The following KCNB2 variants were observed in gnomAD, a reference collection of about 807,000 sequenced individuals.
KCNB2 encodes delayed rectifier potassium channel protein.
KCNB2 carries 15 observed loss-of-function variants against 61.5 expected under a neutral mutation model. The ratio of observed to expected loss-of-function variants is 0.24; its 90% CI spans 0.16 to 0.38. The LOEUF (loss-of-function observed/expected upper bound fraction) is 0.38. Ranked by LOEUF, KCNB2 falls within the 10% of genes least tolerant of loss-of-function variation. The pLI is 1.00. For synonymous variants in KCNB2, 457 were observed against 446.0 expected, an observed-to-expected ratio of 1.02 and a Z score of -0.31; for missense variants, 828 against 1,125.2, an observed-to-expected ratio of 0.74 and a Z score of 3.78.
intron 2 of KCNB2, among the ~76,000 whole-genome samples, chr8:72,718,425 C>A (rs1177373040): frequency 6.6e-6 from 1 of 152,052 alleles, no homozygotes; most frequent in Non-Finnish European, 1.5e-5. Flanking sequence ...AAATGTCCAA[C>A]AATGATAAAC....
At chr8:72,914,317 T>C (rs1015615458) in intron 2 of KCNB2, among the ~76,000 whole-genome samples, 5 of 152,118 alleles carry the variant, frequency 3.3e-5, no homozygotes, top group Non-Finnish European at 7.4e-5. Context: ...ATCCAAACCA[T>C]AGGAGGATGA....
intron 2 of KCNB2, among the ~76,000 whole-genome samples, chr8:72,857,557 A>G (rs1810225438): frequency 2.7e-5 from 1 of 36,980 alleles, no homozygotes; most frequent in African/African-American, 5.8e-5. Context: ...TGCCTACGAG[A>G]TGTTGTTTGC....
At chr8:72,681,256 C>T (rs1286846502) in intron 2 of KCNB2, among the ~76,000 whole-genome samples, 2 of 151,866 alleles carry the variant, frequency 1.3e-5, no homozygotes, top group Non-Finnish European at 2.9e-5. Flanking sequence ...AAAAAGACAG[C>T]TTTAGAATAG....
At chr8:72,545,447 G>T (rs1806245311) in intron 1 of KCNB2, among the ~76,000 whole-genome samples, 1 of 152,210 alleles carries the variant, frequency 6.6e-6, no homozygotes, top group East Asian at 1.9e-4. Context: ...AAATGTTATT[G>T]TTATATAGGT....
At chr8:72,671,338 G>T (rs773695899) in intron 2 of KCNB2, among the ~76,000 whole-genome samples, 1 of 152,118 alleles carries the variant, frequency 6.6e-6, no homozygotes, top group Non-Finnish European at 1.5e-5. Flanking sequence ...TAATACTGTT[G>T]TAAGTTAATA....
At chr8:72,931,073 GT>G (rs1806772224) in intron 2 of KCNB2, among the ~76,000 whole-genome samples, 1 of 152,148 alleles carries the variant, frequency 6.6e-6, no homozygotes, top group Non-Finnish European at 1.5e-5. Context: ...CGCATTTCTT[GT>G]TTTTGTCAGG....
At chr8:72,671,165 C>T (rs16938299) in intron 2 of KCNB2, among the ~76,000 whole-genome samples, 4,266 of 152,286 alleles carry the variant, frequency 0.028, 74 homozygotes, top group South Asian at 0.074. Flanking sequence ...GCCTTCACTA[C>T]AGATACTATC....
chr8:72,573,343 A>T (rs987586826), intron 2 of KCNB2, among the ~76,000 whole-genome samples: 1 of 152,224 alleles, frequency 6.6e-6, no homozygotes, highest in African/African-American at 2.4e-5. Flanking sequence ...GAACTTTCAC[A>T]TGTTATGCTT....
At chr8:72,899,335 C>A (rs1031550570) in intron 2 of KCNB2, among the ~76,000 whole-genome samples, 4 of 152,060 alleles carry the variant, frequency 2.6e-5, no homozygotes, top group Admixed American at 2.6e-4. Flanking sequence ...GGAATGATGG[C>A]CACTCTCACC....
At chr8:72,578,537 A>G (rs1320848892) in intron 2 of KCNB2, among the ~76,000 whole-genome samples, 1 of 152,190 alleles carries the variant, frequency 6.6e-6, no homozygotes, top group Non-Finnish European at 1.5e-5. Flanking sequence ...CAAAGCAAAA[A>G]AAATCGGTTT....
Position 72,935,805 on chromosome 8 carries a change from T to G in KCNB2, c.580-130T>G, listed in dbSNP as rs901707976. The G allele has an allele frequency of 4.2e-6, 3 of 707,812 alleles. No homozygotes were observed. The African/African-American group carries it at 5.4e-5, about 13-fold the overall frequency. The allele number at this position is 707,812 out of a possible 1,614,324, so 43.8% of individuals were successfully genotyped here. On this transcript the variant is annotated intron_variant, in intron 2 of 2. Transcript: ENST00000523207. ...AGTTAGGGAATTTTAAGTTGTAAAA[T>G]TACCTTCTTATAATCTTCTTGGAAG...
At chr8:72,831,387 A>C (rs1809691803) in intron 2 of KCNB2, among the ~76,000 whole-genome samples, 1 of 152,262 alleles carries the variant, frequency 6.6e-6, no homozygotes, top group South Asian at 2.1e-4. Flanking sequence ...AGTTTTAAAA[A>C]ATCACCAACA....
In KCNB2 at chr8:72,794,491, G is replaced by A. The variant is rs140064922; in HGVS notation, c.580-141444G>A. Among the ~76,000 whole-genome samples the A allele has an allele frequency of 1.0e-3, 151 of 151,196 alleles. 2 individuals carry two copies. Among genetic ancestry groups the A allele is most frequent in the African/African-American group, 3.4e-3 (139 of 41,112 alleles). The stretch of plus-strand genomic sequence containing the variant: ...GAGGCAGGGGAATCGCTTGAACCCG[G>A]GAGACAGAGGTTGTGGTGAGCTGAG... On this transcript the variant is annotated intron_variant, in intron 2 of 2. Transcript: ENST00000523207.
chr8:72,710,045 A>C (rs1046837646), intron 2 of KCNB2, among the ~76,000 whole-genome samples: 1 of 152,054 alleles, frequency 6.6e-6, no homozygotes, highest in African/African-American at 2.4e-5. Context: ...TTCAGTCTGC[A>C]CTTCCCAGTC....
At chr8:72,599,374 G>A (rs996107171) in intron 2 of KCNB2, among the ~76,000 whole-genome samples, 13 of 152,170 alleles carry the variant, frequency 8.5e-5, no homozygotes, top group Non-Finnish European at 1.3e-4. Flanking sequence ...AATAAAAGGT[G>A]CTGGGAAAAC....
At chr8:72,570,150 T>C (rs1044981549) in intron 2 of KCNB2, among the ~76,000 whole-genome samples, 3 of 152,282 alleles carry the variant, frequency 2.0e-5, no homozygotes, top group South Asian at 4.1e-4. Context: ...CTCATTACAA[T>C]AGACCTTTAC....
At chr8:72,865,649 A>C (rs1222519654) in intron 2 of KCNB2, among the ~76,000 whole-genome samples, 1 of 152,098 alleles carries the variant, frequency 6.6e-6, no homozygotes, top group Non-Finnish European at 1.5e-5. Flanking sequence ...GAAATTATAA[A>C]AGCTTTACTT....
Position 72,920,461 on chromosome 8 carries a change from C to CTATATATATA in KCNB2, c.580-15471_580-15470insATATATATAT, listed in dbSNP as rs1210179232. On this transcript the variant is annotated intron_variant, in intron 2 of 2. Coordinates refer to ENST00000523207, the MANE Select transcript of KCNB2 (RefSeq NM_004770.3). ...CCACTATATCTATCTATCTATCTAT[C>CTATATATATA]TATCTATCTATCTATATATATATAT... Among the ~76,000 whole-genome samples, 196 of 72,588 alleles carry CTATATATATA rather than the reference C, an allele frequency of 2.7e-3. 11 individuals carry two copies. The highest frequency in any genetic ancestry group is 9.8e-3 in the East Asian group (38 of 3,878). The allele number at this position is 72,588 out of a possible 152,430, so 47.6% of individuals were successfully genotyped here. A position where few individuals can be genotyped will look rare whatever the true frequency, so the allele number is the denominator to read the frequency against.
intron 2 of KCNB2, among the ~76,000 whole-genome samples, chr8:72,838,195 A>G (rs566048811): frequency 2.2e-4 from 34 of 152,216 alleles, no homozygotes; most frequent in African/African-American, 7.2e-4. Flanking sequence ...TATATGTGCC[A>G]TGTTGGTTTG....
Sources: gnomAD v4.1 joint callset for allele counts (sites outside exome capture counted in the v4.1 genomes callset) on GRCh38, gnomAD v4.1.1 for gene constraint, MANE v1.5 for transcripts, NCBI Gene and HGNC (gene_info 2026-07-23, HGNC 2026-07-21) for gene names.